The following RPH3A variants were observed in gnomAD, a reference collection of about 807,000 sequenced individuals.
RPH3A encodes the protein rabphilin-3A.
In RPH3A, 48 loss-of-function variants were observed where a neutral mutation model predicts 102.2. The observed-to-expected ratio is 0.47, with a 90% CI of 0.37 to 0.60. The LOEUF (loss-of-function observed/expected upper bound fraction) is 0.60, where lower values mean the gene tolerates loss of function less well. Among genes scored for constraint, RPH3A ranks in the 20% least tolerant of loss-of-function variants. The probability of loss-of-function intolerance (pLI) is 0.00; values close to 1 mark genes in which losing one functional copy is unlikely to be tolerated. For synonymous variants in RPH3A, 310 were observed against 324.3 expected (o/e 0.96, Z 0.47); for missense variants, 781 against 910.1 (o/e 0.86, Z 1.83).
intron 1 of RPH3A, among the ~76,000 whole-genome samples, chr12:112,751,177 A>G (rs909938244): frequency 1.6e-4 from 24 of 152,202 alleles, no homozygotes; most frequent in Admixed American, 5.9e-4. Context: ...CATACTCACT[A>G]CATGATTCAC....
At chr12:112,758,049 T>C (rs774710885) in intron 1 of RPH3A, among the ~76,000 whole-genome samples, 2 of 152,158 alleles carry the variant, frequency 1.3e-5, no homozygotes, top group South Asian at 2.1e-4. Context: ...TGGTGCTGTA[T>C]ACCTCTCCCC....
chr12:112,622,171 G>T (rs1189387803), intron 1 of RPH3A, among the ~76,000 whole-genome samples: 3 of 117,266 alleles, frequency 2.6e-5, no homozygotes, highest in African/African-American at 4.2e-5. Context: ...CCAAAGGAAC[G>T]CAGTTCCTCA....
chr12:112,844,176 T>C (rs1297429618), intron 4 of RPH3A, among the ~76,000 whole-genome samples: 2 of 152,188 alleles, frequency 1.3e-5, no homozygotes, highest in Non-Finnish European at 2.9e-5. Context: ...GACCTGAGCC[T>C]TGCTTCTAGC....
intron 1 of RPH3A, among the ~76,000 whole-genome samples, chr12:112,765,004 T>G (rs1283723317): frequency 6.6e-6 from 1 of 152,224 alleles, no homozygotes; most frequent in African/African-American, 2.4e-5. Flanking sequence ...TTCTGTATAA[T>G]TGTCTGAGCC....
At chr12:112,584,442 C>T (rs977456003) in intron 1 of RPH3A, among the ~76,000 whole-genome samples, 12 of 152,152 alleles carry the variant, frequency 7.9e-5, no homozygotes, top group Admixed American at 6.5e-4. Flanking sequence ...CACCTCCCTA[C>T]GCAATCTAGG....
chr12:112,742,165 AAATTTTGGGATTGG>A lies in RPH3A; in HGVS notation c.-139-49977_-139-49964del, dbSNP rs375278026. On this transcript the variant is annotated intron_variant, in intron 1 of 21. Coordinates refer to the RPH3A transcript ENST00000543106. ...GAAAGTCCAAGCGAGATCCCAGGAG[AAATTTTGGGATTGG>A]TGATGTTTACAGTGTCCATCAGCCA... 4.7e-3 allele frequency among the ~76,000 whole-genome samples: 712 copies of A among 151,822 alleles called. 3 individuals are homozygous for A. Among genetic ancestry groups the A allele is most frequent in the African/African-American group, 0.015 (638 of 41,394 alleles).
At chr12:112,806,848 A>G (rs774920419) in intron 2 of RPH3A, among the ~76,000 whole-genome samples, 2 of 152,152 alleles carry the variant, frequency 1.3e-5, no homozygotes, top group Non-Finnish European at 2.9e-5. Flanking sequence ...GAAGGCAAAG[A>G]TTCTAAAGAG....
intron 1 of RPH3A, among the ~76,000 whole-genome samples, chr12:112,616,879 T>G (rs1434858649): frequency 1.3e-5 from 2 of 152,214 alleles, no homozygotes; most frequent in Admixed American, 1.3e-4. Flanking sequence ...CAAAGGAGAC[T>G]ACAGTCTTTC....
chr12:112,736,626 A>G (rs2040671550), intron 1 of RPH3A, among the ~76,000 whole-genome samples: 1 of 152,190 alleles, frequency 6.6e-6, no homozygotes, highest in African/African-American at 2.4e-5. Flanking sequence ...ACCTCATGGG[A>G]CTGTGCATAT....
intron 19 of RPH3A, chr12:112,891,320 A>ACT (rs1404001785): frequency 3.6e-6 from 1 of 276,626 alleles, no homozygotes; most frequent in African/African-American, 2.2e-5. Flanking sequence ...TTGGCCGCAC[A>ACT]CCCCTCGGAC....
intron 1 of RPH3A, among the ~76,000 whole-genome samples, chr12:112,639,210 C>T (rs576422279): frequency 1.3e-5 from 2 of 152,210 alleles, no homozygotes; most frequent in Admixed American, 6.5e-5. Context: ...ACCTCCTAAG[C>T]GGGACTGGGG....
At chr12:112,864,695 G>A (rs1428334995) in intron 5 of RPH3A, among the ~76,000 whole-genome samples, 1 of 152,162 alleles carries the variant, frequency 6.6e-6, no homozygotes. Flanking sequence ...CAGATTGCTG[G>A]ATCTCTATCC....
At chr12:112,650,873 C>G (rs968769371) in intron 1 of RPH3A, 4 of 151,820 alleles carry the variant, frequency 2.6e-5, no homozygotes, top group African/African-American at 9.7e-5. Context: ...GGACCACAGG[C>G]GAGTGACATT....
intron 4 of RPH3A, among the ~76,000 whole-genome samples, chr12:112,846,606 A>G (rs1208479436): frequency 6.6e-6 from 1 of 152,248 alleles, no homozygotes; most frequent in Non-Finnish European, 1.5e-5. Context: ...TGATTAGGCC[A>G]GCAGAAGGGA....
intron 1 of RPH3A, among the ~76,000 whole-genome samples, chr12:112,659,346 T>C (rs908125587): frequency 1.3e-5 from 2 of 152,242 alleles, no homozygotes; most frequent in African/African-American, 4.8e-5. Flanking sequence ...TCTCAGACTT[T>C]CTTTGACTTT....
intron 1 of RPH3A, among the ~76,000 whole-genome samples, chr12:112,708,823 C>T (rs1054052963): frequency 2.0e-5 from 3 of 152,142 alleles, no homozygotes; most frequent in Non-Finnish European, 2.9e-5. Context: ...GGAAGTCCCA[C>T]GGGCAAGTTT....
intron 2 of RPH3A, among the ~76,000 whole-genome samples, chr12:112,814,815 T>C (rs1243828808): frequency 6.6e-6 from 1 of 152,152 alleles, no homozygotes; most frequent in Non-Finnish European, 1.5e-5. Flanking sequence ...GTGCTGTTCA[T>C]TTCTACACTA....
chr12:112,583,009 C>T (rs758700064), intron 1 of RPH3A, among the ~76,000 whole-genome samples: 4 of 152,056 alleles, frequency 2.6e-5, no homozygotes, highest in Non-Finnish European at 5.9e-5. Flanking sequence ...TGGGTGGCTT[C>T]GTGAATTTTC....
At chr12:112,723,019 G>A (rs1193734443) in intron 1 of RPH3A, among the ~76,000 whole-genome samples, 1 of 152,202 alleles carries the variant, frequency 6.6e-6, no homozygotes, top group African/African-American at 2.4e-5. Context: ...AGGATCAGTA[G>A]GGAAAAGGGG....
Sources: allele counts gnomAD v4.1 joint callset (sites outside exome capture counted in the v4.1 genomes callset), GRCh38; gene constraint gnomAD v4.1.1; transcripts MANE v1.5; gene names NCBI Gene and HGNC (gene_info 2026-07-23, HGNC 2026-07-21).